The following GRK5 variants were observed in gnomAD, a reference collection of about 807,000 sequenced individuals.
GRK5 encodes G protein-coupled receptor kinase 5, also known as g protein-coupled receptor kinase GRK5.
In GRK5, 40 loss-of-function variants were observed where a neutral mutation model predicts 78.4. The observed-to-expected ratio is 0.51, with a 90% CI of 0.40 to 0.66. GRK5 has a LOEUF of 0.66. Ranked by LOEUF, GRK5 falls within the 30% of genes least tolerant of loss-of-function variation. GRK5 has a pLI of 0.00. For synonymous variants in GRK5, 289 were observed against 296.8 expected (o/e 0.97, Z 0.27); for missense variants, 598 against 759.9 (o/e 0.79, Z 2.50).
chr10:119,389,801 AACACAC>A (rs66652162), intron 3 of GRK5, among the ~76,000 whole-genome samples: 5,367 of 149,720 alleles, frequency 0.036, 287 homozygotes, highest in African/African-American at 0.12. Flanking sequence ...GATCATGAGC[AACACAC>A]ACACACACAC....
intron 1 of GRK5, among the ~76,000 whole-genome samples, chr10:119,239,338 G>T (rs1331260237): frequency 6.6e-6 from 1 of 151,712 alleles, no homozygotes; most frequent in Non-Finnish European, 1.5e-5. Flanking sequence ...GGTTTCAAGC[G>T]ATTTTCCTGC....
chr10:119,442,923 G>T (rs1474367161), intron 11 of GRK5, among the ~76,000 whole-genome samples: 2 of 152,208 alleles, frequency 1.3e-5, no homozygotes, highest in Non-Finnish European at 2.9e-5. Flanking sequence ...GATGGATGAT[G>T]GATGATGGAT....
intron 3 of GRK5, among the ~76,000 whole-genome samples, chr10:119,386,563 C>T: frequency 6.6e-6 from 1 of 152,186 alleles, no homozygotes; most frequent in East Asian, 1.9e-4. Flanking sequence ...GTGAGTCTGG[C>T]TCCTGTGTCA....
Position 119,436,651 on chromosome 10 carries a change from G to A in GRK5, c.739G>A (p.Val247Ile). 1 of 1,614,138 alleles carries A rather than the reference G, an allele frequency of 6.2e-7. No homozygotes were observed. The highest frequency in any genetic ancestry group is 8.5e-7 in the Non-Finnish European group (1 of 1,180,022). Reference protein sequence around the residue: ...ILEKVNSQFVVNLAYAYETKD... With the variant: ...ILEKVNSQFVINLAYAYETKD... Reference sequence around the variant, plus strand: ...CATGGCACTGTTCTTGTGCTCCCAGGTCAACCTGGCCTATGCCTACGAGAC... The same window carrying A: ...CATGGCACTGTTCTTGTGCTCCCAGATCAACCTGGCCTATGCCTACGAGAC... Residue 247 changes from valine to isoleucine, a missense_variant and splice_region_variant, in exon 9 of 16, where the codon GTC becomes ATC. Coordinates refer to ENST00000392870, the MANE Select transcript of GRK5 (RefSeq NM_005308.3).
chr10:119,230,236 A>G (rs923700697), intron 1 of GRK5, among the ~76,000 whole-genome samples: 1 of 152,192 alleles, frequency 6.6e-6, no homozygotes, highest in Non-Finnish European at 1.5e-5. Context: ...CTGTAATCCT[A>G]GCACTTTGGG....
rs530707722 is a variant in GRK5 at position 119,454,585 on chromosome 10, C to T, written c.1675-384C>T. Among the ~76,000 whole-genome samples, 3 of 152,288 alleles carry T rather than the reference C, an allele frequency of 2.0e-5. No homozygotes were observed. The South Asian group carries it at 6.2e-4, about 32-fold the overall frequency. Reference sequence around the variant, plus strand: ...ATGAGGCCCCATTGTATCCTCCCAGCCACCCTGTGCGGAAGCTGCTCTTCT... The same window carrying T: ...ATGAGGCCCCATTGTATCCTCCCAGTCACCCTGTGCGGAAGCTGCTCTTCT... On this transcript the variant is annotated intron_variant, in intron 15 of 15. Transcript: ENST00000392870.
intron 1 of GRK5, among the ~76,000 whole-genome samples, chr10:119,293,852 AGAC>A (rs1415482463): frequency 6.6e-6 from 1 of 152,184 alleles, no homozygotes; most frequent in Admixed American, 6.5e-5. Context: ...AACCTGAAAT[AGAC>A]GCCTTCAGAT....
chr10:119,273,315 A>G (rs1849615433), intron 1 of GRK5, among the ~76,000 whole-genome samples: 1 of 152,096 alleles, frequency 6.6e-6, no homozygotes, highest in Non-Finnish European at 1.5e-5. Flanking sequence ...GGTTGCATTA[A>G]AAGGGGGCTT....
intron 2 of GRK5, among the ~76,000 whole-genome samples, chr10:119,328,239 G>A (rs1263486100): frequency 3.9e-5 from 6 of 152,192 alleles, no homozygotes; most frequent in South Asian, 2.1e-4. Flanking sequence ...AGTCGAGGTC[G>A]GGTGGAAGAG....
intron 1 of GRK5, among the ~76,000 whole-genome samples, chr10:119,312,508 A>G (rs1386670314): frequency 2.6e-5 from 4 of 152,208 alleles, no homozygotes; most frequent in Admixed American, 2.6e-4. Flanking sequence ...GAATACAGCC[A>G]TGCTCATTTG....
In GRK5 at chr10:119,459,386, G is replaced by GCTTTT. The variant is rs1180220235; in HGVS notation, c.*4320_*4321insTTTTC. ...ACATTTGAAAAGCCAGCTCTCCCTG[G>GCTTTT]CAGAGAAAGACACTTCCCCCCCAAA... On this transcript the variant is annotated 3_prime_UTR_variant, in exon 16 of 16. Transcript: ENST00000392870. 2 of 151,220 alleles carry GCTTTT rather than the reference G, an allele frequency of 1.3e-5. No individual in the cohort carries two copies. The highest frequency in any genetic ancestry group is 6.6e-5 in the Admixed American group (1 of 15,188). 9.4% of individuals were successfully genotyped at this position (151,220 alleles called of 1,614,324 possible). A position where few individuals can be genotyped will look rare whatever the true frequency, so the allele number is the denominator to read the frequency against.
At position 119,214,447 on chromosome 10, in the gene GRK5, T is replaced by C. The variant is rs147432155; in HGVS notation, c.52+6478T>C. 2.5e-3 allele frequency among the ~76,000 whole-genome samples: 377 copies of C among 152,270 alleles called. 3 individuals are homozygous for C. The highest frequency in any genetic ancestry group is 8.5e-3 in the African/African-American group (355 of 41,544). On this transcript the variant is annotated intron_variant, in intron 1 of 15. Transcript: ENST00000392870. ...GGACCAGTATGTGATTTAAGCATAA[T>C]TAAAAGGTTATACTTGAGGGATAGA...
In GRK5 at chr10:119,385,225, C is replaced by T. The variant is rs145138144; in HGVS notation, c.261+4298C>T. 2.3e-3 allele frequency among the ~76,000 whole-genome samples: 346 copies of T among 151,994 alleles called. 1 individual carries two copies. Among genetic ancestry groups the T allele is most frequent in the Non-Finnish European group, 3.1e-3 (208 of 67,984 alleles). ...GGGGGAGCCACTGGAGGGTTTTTAG[C>T]AGAGCAGTGGCATGGTCTGACTTGG... is the stretch of plus-strand genomic sequence containing the variant. On this transcript the variant is annotated intron_variant, in intron 3 of 15. Transcript: ENST00000392870.
intron 3 of GRK5, among the ~76,000 whole-genome samples, chr10:119,381,680 G>A (rs181099471): frequency 2.6e-5 from 4 of 152,310 alleles, no homozygotes; most frequent in East Asian, 3.9e-4. Flanking sequence ...GTTTCTATCC[G>A]AGGAAGGAGG....
At chr10:119,252,998 A>T (rs1849227156) in intron 1 of GRK5, among the ~76,000 whole-genome samples, 1 of 152,146 alleles carries the variant, frequency 6.6e-6, no homozygotes, top group Non-Finnish European at 1.5e-5. Flanking sequence ...GGTGAGGGTC[A>T]TGGCCAGTGT....
At chr10:119,447,247 C>T (rs1242460141) in intron 12 of GRK5, among the ~76,000 whole-genome samples, 4 of 152,168 alleles carry the variant, frequency 2.6e-5, no homozygotes, top group East Asian at 1.9e-4. Context: ...CTTCCTGCCT[C>T]GTGGTTCTGA....
chr10:119,280,872 C>T (rs974504993), intron 1 of GRK5, among the ~76,000 whole-genome samples: 3 of 151,588 alleles, frequency 2.0e-5, no homozygotes, highest in African/African-American at 7.3e-5. Flanking sequence ...CTCTGCCTCC[C>T]GGGTTCAAGC....
intron 2 of GRK5, among the ~76,000 whole-genome samples, chr10:119,352,895 G>A (rs951495021): frequency 2.6e-5 from 4 of 152,194 alleles, no homozygotes; most frequent in Non-Finnish European, 4.4e-5. Context: ...TGCAGCTTAC[G>A]GGCAAGAGTA....
chr10:119,410,318 T>C (rs1322246917), intron 4 of GRK5, among the ~76,000 whole-genome samples: 1 of 152,152 alleles, frequency 6.6e-6, no homozygotes, highest in Admixed American at 6.5e-5. Flanking sequence ...AAAGATATCT[T>C]CCCTCGCTTC....
Sources: allele counts gnomAD v4.1 joint callset (sites outside exome capture counted in the v4.1 genomes callset), GRCh38; gene constraint gnomAD v4.1.1; transcripts MANE v1.5; gene names NCBI Gene and HGNC (gene_info 2026-07-23, HGNC 2026-07-21).